The following RGS6 variants were observed in gnomAD, a reference collection of about 807,000 sequenced individuals.
The protein encoded by RGS6 is regulator of G protein signaling 6, also known as regulator of G-protein signaling 6.
Under a neutral mutation model 78.5 loss-of-function variants are expected in RGS6, and 30 were observed. The observed-to-expected ratio is 0.38, with a 90% CI of 0.29 to 0.52. The LOEUF is 0.52. RGS6 is among the 20% of genes least tolerant of loss of function. The pLI is 0.85. For missense variants in RGS6, 495 were observed against 609.7 expected (o/e 0.81, Z 1.98); for synonymous variants, 206 against 206.0 (o/e 1.00, Z 0.00).
intron 2 of RGS6, among the ~76,000 whole-genome samples, chr14:72,228,905 T>A (rs4903001): frequency 0.12 from 17,487 of 152,018 alleles, 1,254 homozygotes; most frequent in East Asian, 0.33. Flanking sequence ...AATATAAAAA[T>A]TTAGCCGGGC....
intron 2 of RGS6, among the ~76,000 whole-genome samples, chr14:71,999,038 G>A (rs1215016764): frequency 1.3e-5 from 2 of 151,636 alleles, no homozygotes; most frequent in Non-Finnish European, 2.9e-5. Flanking sequence ...TCTCCAGCCT[G>A]AGCAACAGAG....
intron 3 of RGS6, among the ~76,000 whole-genome samples, chr14:72,409,661 C>A (rs2093243467): frequency 6.6e-6 from 1 of 152,036 alleles, no homozygotes; most frequent in Admixed American, 6.5e-5. Flanking sequence ...GTGCTGCACC[C>A]ATTAACTCAT....
chr14:72,356,796 G>T (rs140322605), intron 3 of RGS6, among the ~76,000 whole-genome samples: 2 of 152,152 alleles, frequency 1.3e-5, no homozygotes, highest in African/African-American at 4.8e-5. Context: ...TGAAGACAAT[G>T]TATTTGCTTC....
chr14:72,311,344 A>G (rs1048902545), intron 2 of RGS6, among the ~76,000 whole-genome samples: 1 of 152,246 alleles, frequency 6.6e-6, no homozygotes, highest in African/African-American at 2.4e-5. Flanking sequence ...CATTTTTTAA[A>G]TAACTCACCA....
At chr14:72,124,023 C>T (rs777574677) in intron 2 of RGS6, among the ~76,000 whole-genome samples, 2 of 152,138 alleles carry the variant, frequency 1.3e-5, no homozygotes, top group Admixed American at 1.3e-4. Context: ...CTATAACATT[C>T]GCTTAGAATT....
the RGS6 span, among the ~76,000 whole-genome samples, chr14:72,625,643 A>G: frequency 6.6e-6 from 1 of 152,226 alleles, no homozygotes; most frequent in Non-Finnish European, 1.5e-5. Flanking sequence ...CAACACAGCT[A>G]GGAAATAAAT....
Position 71,972,508 on chromosome 14 carries a change from G to A in RGS6, c.84+7633G>A, listed in dbSNP as rs560101186. On this transcript the variant is annotated intron_variant, in intron 2 of 17. Transcript: ENST00000553525. ...CAAAGGGAAGCGATTGAGACTCTGC[G>A]TTTCTTGATAAGGGAATTCTTCATG... 4.6e-5 allele frequency among the ~76,000 whole-genome samples: 7 copies of A among 152,276 alleles called. No individual in the cohort carries two copies. In the South Asian group the frequency reaches 6.2e-4, roughly 14 times the overall value.
chr14:72,514,336 GAA>G (rs1230723506), intron 14 of RGS6, among the ~76,000 whole-genome samples: 1 of 152,230 alleles, frequency 6.6e-6, no homozygotes, highest in Non-Finnish European at 1.5e-5. Context: ...TCTAGTTTAT[GAA>G]AAGATATGTA....
intron 2 of RGS6, among the ~76,000 whole-genome samples, chr14:72,208,763 G>A (rs1432674217): frequency 6.6e-6 from 1 of 152,156 alleles, no homozygotes; most frequent in Non-Finnish European, 1.5e-5. Context: ...AATAGGATGG[G>A]AAAAGAATTA....
chr14:72,547,229 A>C (rs1009265770), intron 17 of RGS6: 15 of 1,535,508 alleles, frequency 9.8e-6, no homozygotes, highest in Non-Finnish European at 1.2e-5. Flanking sequence ...AGAGCATCCA[A>C]TGGCAGGAGT....
intron 3 of RGS6, among the ~76,000 whole-genome samples, chr14:72,419,803 C>G (rs2094066197): frequency 6.6e-6 from 1 of 152,190 alleles, no homozygotes; most frequent in Non-Finnish European, 1.5e-5. Flanking sequence ...TCTGTGGTAT[C>G]AGGGAATGCT....
chr14:72,493,864 A>T (rs1164726427), intron 12 of RGS6, among the ~76,000 whole-genome samples: 1 of 152,160 alleles, frequency 6.6e-6, no homozygotes, highest in Non-Finnish European at 1.5e-5. Flanking sequence ...AAGTATGGAG[A>T]TAAAAGCATT....
At chr14:72,480,768 C>T (rs1274998669) in intron 12 of RGS6, among the ~76,000 whole-genome samples, 1 of 152,152 alleles carries the variant, frequency 6.6e-6, no homozygotes. Context: ...CGCACATCCA[C>T]ATCCACATCC....
At chr14:72,082,652 T>C (rs938360396) in intron 2 of RGS6, among the ~76,000 whole-genome samples, 3 of 152,116 alleles carry the variant, frequency 2.0e-5, no homozygotes, top group South Asian at 2.1e-4. Flanking sequence ...TAGTTAGTTA[T>C]TATATGTCAA....
chr14:72,323,528 A>G (rs2072719049), intron 2 of RGS6, among the ~76,000 whole-genome samples: 1 of 151,972 alleles, frequency 6.6e-6, no homozygotes. Flanking sequence ...ACAAAGGAAA[A>G]TTAAGAAAGG....
chr14:72,206,495 CA>C (rs2153747339), intron 2 of RGS6, among the ~76,000 whole-genome samples: 1 of 152,134 alleles, frequency 6.6e-6, no homozygotes, highest in South Asian at 2.1e-4. Flanking sequence ...ACACACACAG[CA>C]TGTTTTCATG....
At chr14:72,091,639 G>A (rs1242834658) in intron 2 of RGS6, among the ~76,000 whole-genome samples, 1 of 152,138 alleles carries the variant, frequency 6.6e-6, no homozygotes, top group Non-Finnish European at 1.5e-5. Flanking sequence ...GAATGTAAAT[G>A]GTTTGGCTGC....
At chr14:72,354,480 A>C (rs2079827585) in intron 3 of RGS6, among the ~76,000 whole-genome samples, 1 of 151,542 alleles carries the variant, frequency 6.6e-6, no homozygotes, top group Non-Finnish European at 1.5e-5. Context: ...ACAAAAAAAA[A>C]AAAAAAATAG....
chr14:71,999,341 C>T (rs1374173450), intron 2 of RGS6, among the ~76,000 whole-genome samples: 4 of 152,194 alleles, frequency 2.6e-5, no homozygotes, highest in Non-Finnish European at 4.4e-5. Flanking sequence ...AAAATATGTA[C>T]TTTGTTGGTG....
Sources: allele counts gnomAD v4.1 joint callset (sites outside exome capture counted in the v4.1 genomes callset), GRCh38; gene constraint gnomAD v4.1.1; transcripts MANE v1.5; gene names NCBI Gene and HGNC (gene_info 2026-07-23, HGNC 2026-07-21).